Variants in BTBD9 observed in about 807,000 individuals in gnomAD.
BTBD9 encodes the protein BTB/POZ domain-containing protein 9.
A neutral mutation model predicts 64.3 loss-of-function variants in BTBD9; 49 were observed. The ratio of observed to expected loss-of-function variants is 0.76; its 90% CI spans 0.61 to 0.97. The LOEUF (loss-of-function observed/expected upper bound fraction) is 0.97. Ranked by LOEUF, BTBD9 falls within the 50% of genes least tolerant of loss-of-function variation. The pLI is 0.00. For missense variants in BTBD9, 598 were observed against 762.1 expected, an observed-to-expected ratio of 0.78 and a Z score of 2.53; for synonymous variants, 260 against 274.7, an observed-to-expected ratio of 0.95 and a Z score of 0.53.
At chr6:38,282,806 G>A (rs554430909) in intron 8 of BTBD9, among the ~76,000 whole-genome samples, 1 of 152,248 alleles carries the variant, frequency 6.6e-6, no homozygotes, top group Non-Finnish European at 1.5e-5. Context: ...TCTCAGTGAG[G>A]CCTTCCTGAC....
intron 4 of BTBD9, among the ~76,000 whole-genome samples, chr6:38,580,827 TA>T (rs1776251252): frequency 1.3e-5 from 2 of 152,288 alleles, no homozygotes; most frequent in South Asian, 4.1e-4. Flanking sequence ...CAAAAGTTAA[TA>T]AAACTAGAAA....
intron 6 of BTBD9, among the ~76,000 whole-genome samples, chr6:38,514,224 A>G (rs1772909446): frequency 6.6e-6 from 1 of 152,248 alleles, no homozygotes; most frequent in Non-Finnish European, 1.5e-5. Context: ...TTATTGTATA[A>G]CTAAACTCAG....
chr6:38,533,637 T>C lies in BTBD9; in HGVS notation c.1154+43963A>G, dbSNP rs543056891. On this transcript the variant is annotated intron_variant, in intron 6 of 10. Coordinates refer to ENST00000481247, the MANE Select transcript of BTBD9 (RefSeq NM_001099272.2). ...AACCTTATCAAGGATAGACCATATG[T>C]TAGGTCACAAAAAAGTCTTAAAACA... 4.6e-5 allele frequency among the ~76,000 whole-genome samples: 7 copies of C among 152,278 alleles called. No homozygotes were observed. The East Asian group carries it at 1.2e-3, about 25-fold the overall frequency.
intron 6 of BTBD9, among the ~76,000 whole-genome samples, chr6:38,548,269 C>G (rs1582615434): frequency 6.6e-6 from 1 of 152,180 alleles, no homozygotes; most frequent in Non-Finnish European, 1.5e-5. Context: ...ATTTTCCAGG[C>G]TGAAACAATT....
chr6:38,318,817 T>C (rs186534628), intron 7 of BTBD9, among the ~76,000 whole-genome samples: 4 of 152,264 alleles, frequency 2.6e-5, no homozygotes, highest in African/African-American at 9.6e-5. Flanking sequence ...AATCAGCAGG[T>C]AGTGAAGCCA....
intron 6 of BTBD9, among the ~76,000 whole-genome samples, chr6:38,544,575 T>A (rs1774442055): frequency 6.6e-6 from 1 of 151,884 alleles, no homozygotes; most frequent in Admixed American, 6.6e-5. Context: ...GTGTACAGGA[T>A]CTGTAGCAGG....
chr6:38,368,818 G>A (rs1765297285), intron 6 of BTBD9, among the ~76,000 whole-genome samples: 1 of 152,086 alleles, frequency 6.6e-6, no homozygotes, highest in African/African-American at 2.4e-5. Context: ...TTAGGTGACT[G>A]CACACATTTT....
intron 6 of BTBD9, among the ~76,000 whole-genome samples, chr6:38,559,826 G>A (rs771912630): frequency 6.6e-5 from 10 of 152,172 alleles, no homozygotes; most frequent in Non-Finnish European, 1.2e-4. Context: ...AAGCGAGGGG[G>A]AAAGAATTCC....
intron 6 of BTBD9, among the ~76,000 whole-genome samples, chr6:38,389,266 GAA>G (rs1280842599): frequency 6.6e-6 from 1 of 152,108 alleles, no homozygotes; most frequent in Non-Finnish European, 1.5e-5. Flanking sequence ...GTCTGTCAGA[GAA>G]ATATGCTCAG....
At chr6:38,496,853 C>G (rs938206204) in intron 6 of BTBD9, among the ~76,000 whole-genome samples, 11 of 152,158 alleles carry the variant, frequency 7.2e-5, no homozygotes, top group African/African-American at 2.7e-4. Context: ...GTGGCAACAG[C>G]CATCATGCCT....
At chr6:38,245,883 A>G (rs1286310087) in intron 9 of BTBD9, among the ~76,000 whole-genome samples, 1 of 152,254 alleles carries the variant, frequency 6.6e-6, no homozygotes, top group African/African-American at 2.4e-5. Context: ...CAGCTCACTG[A>G]GAAAGTTTTA....
At chr6:38,296,693 A>G (rs1289821802) in intron 7 of BTBD9, among the ~76,000 whole-genome samples, 1 of 152,168 alleles carries the variant, frequency 6.6e-6, no homozygotes, top group Non-Finnish European at 1.5e-5. Context: ...TTTGTCTGAT[A>G]TACAGTATTT....
intron 7 of BTBD9, among the ~76,000 whole-genome samples, chr6:38,309,429 A>G (rs534680493): frequency 1.3e-5 from 2 of 151,286 alleles, no homozygotes; most frequent in Non-Finnish European, 2.9e-5. Context: ...TTTATTTAAT[A>G]CTTTTTTTTT....
intron 6 of BTBD9, among the ~76,000 whole-genome samples, chr6:38,375,620 T>C (rs1765649371): frequency 6.6e-6 from 1 of 152,224 alleles, no homozygotes; most frequent in African/African-American, 2.4e-5. Flanking sequence ...GATCTTTTCT[T>C]GCTCAGAGGA....
At chr6:38,492,397 T>C (rs930344714) in intron 6 of BTBD9, among the ~76,000 whole-genome samples, 2 of 152,232 alleles carry the variant, frequency 1.3e-5, no homozygotes, top group Admixed American at 1.3e-4. Context: ...AAAATGGAGA[T>C]AATATTTACA....
chr6:38,268,168 G>A (rs1184448149), intron 8 of BTBD9, among the ~76,000 whole-genome samples: 9 of 152,164 alleles, frequency 5.9e-5, no homozygotes, highest in Non-Finnish European at 1.2e-4. Flanking sequence ...CCATTTTGGA[G>A]AGTCTCACAT....
At chr6:38,611,496 A>G (rs1311110253) in intron 1 of BTBD9, among the ~76,000 whole-genome samples, 2 of 152,204 alleles carry the variant, frequency 1.3e-5, no homozygotes, top group African/African-American at 2.4e-5. Context: ...AAACAGTGCA[A>G]TGAGACATGA....
chr6:38,409,543 G>A (rs1767315121), intron 6 of BTBD9, among the ~76,000 whole-genome samples: 1 of 152,122 alleles, frequency 6.6e-6, no homozygotes, highest in Non-Finnish European at 1.5e-5. Flanking sequence ...TATGTGATCT[G>A]GCTGAGCATG....
In BTBD9 at chr6:38,258,827, T is replaced by C. The variant is rs952305229; in HGVS notation, c.1455-2311A>G. On this transcript the variant is annotated intron_variant, in intron 8 of 10. Coordinates refer to ENST00000481247, the MANE Select transcript of BTBD9 (RefSeq NM_001099272.2). ...ATCGCTTGAATCCAGGAGGCGGAGCTTGCAGTGAGCTGAGATCATACCACT... is the reference window on the plus strand; with the variant it reads ...ATCGCTTGAATCCAGGAGGCGGAGCCTGCAGTGAGCTGAGATCATACCACT... Among the ~76,000 whole-genome samples the C allele has an allele frequency of 2.6e-5, 4 of 152,256 alleles. No individual in the cohort carries two copies. The East Asian group carries it at 7.7e-4, about 29-fold the overall frequency.
Sources: allele counts gnomAD v4.1 joint callset (sites outside exome capture counted in the v4.1 genomes callset), GRCh38; gene constraint gnomAD v4.1.1; transcripts MANE v1.5; gene names NCBI Gene and HGNC (gene_info 2026-07-23, HGNC 2026-07-21).